The following LRP5 variants were observed in gnomAD, a reference collection of about 807,000 sequenced individuals.
LRP5 encodes low-density lipoprotein receptor-related protein 5.
In LRP5, 62 loss-of-function variants were observed where a neutral mutation model predicts 154.1. The ratio of observed to expected loss-of-function variants is 0.40; its 90% CI spans 0.33 to 0.50. The LOEUF (loss-of-function observed/expected upper bound fraction) is 0.50. Ranked by LOEUF, LRP5 falls within the 20% of genes least tolerant of loss-of-function variation. LRP5 has a pLI of 0.55. For synonymous variants in LRP5, 966 were observed against 1,011.5 expected, an observed-to-expected ratio of 0.96 and a Z score of 0.85; for missense variants, 1,915 against 2,336.7, an observed-to-expected ratio of 0.82 and a Z score of 3.72.
chr11:68,371,668 G>A (rs1431621685), intron 5 of LRP5, among the ~76,000 whole-genome samples: 1 of 152,270 alleles, frequency 6.6e-6, no homozygotes, highest in Non-Finnish European at 1.5e-5. Flanking sequence ...GGCTGCTGAC[G>A]GGACGCCTCG....
chr11:68,437,054 C>G (rs1370657097), intron 19 of LRP5, 55 bp downstream of exon 19: 89 of 1,487,524 alleles, frequency 6.0e-5, no homozygotes, highest in Non-Finnish European at 8.0e-5. Context: ...CCCCCAGGAA[C>G]GTGGAGTTTA....
At chr11:68,332,627 G>A (rs2098603526) in intron 1 of LRP5, among the ~76,000 whole-genome samples, 2 of 152,240 alleles carry the variant, frequency 1.3e-5, no homozygotes, top group Admixed American at 1.3e-4. Flanking sequence ...AGGGTTTTTA[G>A]GGGTGGGAAT....
intron 9 of LRP5, among the ~76,000 whole-genome samples, chr11:68,408,823 G>A (rs1012466205): frequency 1.3e-5 from 2 of 151,828 alleles, no homozygotes; most frequent in Non-Finnish European, 2.9e-5. Context: ...TGAGGCAGGA[G>A]GATCACTTGA....
rs774243312 is a variant in LRP5 at position 68,347,886 on chromosome 11, G to A, written c.131G>A (p.Arg44Gln). 18 of 1,613,200 alleles carry A rather than the reference G, an allele frequency of 1.1e-5. No individual in the cohort carries two copies. The highest frequency in any genetic ancestry group is 3.3e-5 in the Admixed American group (2 of 60,012). ...CTATTTGCCAACCGCCGGGACGTAC[G>A]GCTGGTGGACGCCGGCGGAGTCAAG... The part of the protein sequence containing the change: ...LLLFANRRDV[R>Q]LVDAGGVKLE... Residue 44 changes from arginine (R) to glutamine (Q), a missense_variant, in exon 2 of 23, where the codon CGG becomes CAG. Physicochemically the swap from Arg to Gln is conservative, Grantham distance 43. Coordinates refer to ENST00000294304, the MANE Select transcript of LRP5 (RefSeq NM_002335.4).
chr11:68,363,296 C>T (rs73513042), intron 3 of LRP5, among the ~76,000 whole-genome samples: 3,698 of 152,210 alleles, frequency 0.024, 144 homozygotes, highest in African/African-American at 0.084. Flanking sequence ...GCCCTGTGCA[C>T]GCCGGGAGAA....
chr11:68,369,568 T>C (rs890984937), intron 5 of LRP5, among the ~76,000 whole-genome samples: 2 of 151,734 alleles, frequency 1.3e-5, no homozygotes, highest in African/African-American at 4.8e-5. Context: ...AGGTCAGGGG[T>C]TCAAGACCAG....
At chr11:68,382,001 G>A (rs1415455384) in intron 5 of LRP5, among the ~76,000 whole-genome samples, 4 of 152,244 alleles carry the variant, frequency 2.6e-5, no homozygotes, top group African/African-American at 9.6e-5. Flanking sequence ...CACCACTGGG[G>A]TCACCTCTGT....
At chr11:68,438,754 C>CA in intron 20 of LRP5, 72 bp downstream of exon 20, 1 of 1,343,498 alleles carries the variant, frequency 7.4e-7, no homozygotes, top group Non-Finnish European at 1.0e-6. Context: ...GGGAGTGGAG[C>CA]AGGGATGTGC....
chr11:68,361,521 C>T (rs1251731332), intron 3 of LRP5, among the ~76,000 whole-genome samples: 1 of 151,292 alleles, frequency 6.6e-6, no homozygotes, highest in Non-Finnish European at 1.5e-5. Flanking sequence ...ACTATAGTCC[C>T]AGCCACTCGG....
chr11:68,363,396 C>T (rs2098629099), intron 3 of LRP5, among the ~76,000 whole-genome samples: 3 of 152,264 alleles, frequency 2.0e-5, no homozygotes, highest in Admixed American at 2.0e-4. Context: ...GTGGCGCACG[C>T]CTGTAATCCC....
At chr11:68,373,304 T>G (rs1182042803) in intron 5 of LRP5, among the ~76,000 whole-genome samples, 1 of 151,774 alleles carries the variant, frequency 6.6e-6, no homozygotes, top group Non-Finnish European at 1.5e-5. Flanking sequence ...GCTGAGAGGG[T>G]GGTCACACCG....
intron 4 of LRP5, among the ~76,000 whole-genome samples, chr11:68,364,539 A>G (rs1043038979): frequency 6.6e-6 from 1 of 152,058 alleles, no homozygotes; most frequent in African/African-American, 2.4e-5. Context: ...TCGCGTATTT[A>G]TCAATGAATA....
At position 68,416,537 on chromosome 11, in the gene LRP5, C is replaced by T. The variant is rs1158099058; in HGVS notation, c.3027+10C>T. The stretch of plus-strand genomic sequence containing the variant: ...GGACGACGGGACCCAGGCAGGTGCC[C>T]TGTGGGAAGGGTGCGGGGTGTGCTT... On this transcript the variant is annotated intron_variant, in intron 13 of 22. Transcript: ENST00000294304. 6.8e-6 allele frequency: 11 copies of T among 1,613,710 alleles called. No homozygotes were observed. The highest frequency in any genetic ancestry group is 1.3e-5 in the African/African-American group (1 of 74,914).
At chr11:68,382,923 G>C (rs189080956) in intron 5 of LRP5, among the ~76,000 whole-genome samples, 121 of 152,038 alleles carry the variant, frequency 8.0e-4, no homozygotes, top group African/African-American at 2.7e-3. Flanking sequence ...CAACGCGCAG[G>C]CTGGAGTGCA....
intron 9 of LRP5, among the ~76,000 whole-genome samples, chr11:68,407,169 C>CTTT (rs35107577): frequency 7.3e-6 from 1 of 137,050 alleles, no homozygotes; most frequent in African/African-American, 2.7e-5. Context: ...TACAGGAAGA[C>CTTT]TTTTTTTTTT....
chr11:68,352,275 T>A (rs2098619350), intron 2 of LRP5, among the ~76,000 whole-genome samples: 1 of 152,112 alleles, frequency 6.6e-6, no homozygotes, highest in Non-Finnish European at 1.5e-5. Context: ...GCATGTAGGT[T>A]CGATAAAAAG....
intron 1 of LRP5, among the ~76,000 whole-genome samples, chr11:68,336,834 C>T (rs648438): frequency 0.88 from 133,731 of 152,252 alleles, 59,229 homozygotes; most frequent in South Asian, 0.96. Flanking sequence ...CATTTGTAAG[C>T]GTGAAGTTCA....
chr11:68,373,077 G>A (rs2098635220), intron 5 of LRP5, among the ~76,000 whole-genome samples: 1 of 152,144 alleles, frequency 6.6e-6, no homozygotes, highest in Admixed American at 6.5e-5. Flanking sequence ...GTGGGGGGCG[G>A]CGCTAGCATG....
At chr11:68,357,924 A>G (rs2098624566) in intron 3 of LRP5, 77 bp downstream of exon 3, 2 of 1,348,744 alleles carry the variant, frequency 1.5e-6, no homozygotes, top group East Asian at 2.5e-5. Flanking sequence ...TTCTTAACTC[A>G]GGCCTACAGA....
Sources: gnomAD v4.1 joint callset for allele counts (sites outside exome capture counted in the v4.1 genomes callset) on GRCh38, gnomAD v4.1.1 for gene constraint, MANE v1.5 for transcripts, NCBI Gene and HGNC (gene_info 2026-07-23, HGNC 2026-07-21) for gene names.